The following ZFHX3 variants were observed in gnomAD, a reference collection of about 807,000 sequenced individuals.
ZFHX3 encodes zinc finger homeobox protein 3.
ZFHX3 carries 42 observed loss-of-function variants against 279.1 expected under a neutral mutation model. The observed-to-expected ratio is 0.15, with a 90% confidence interval of 0.12 to 0.19. ZFHX3 has a LOEUF of 0.19. ZFHX3 is among the 10% of genes least tolerant of loss of function. The pLI is 1.00. For synonymous variants in ZFHX3, 2,293 were observed against 1,957.8 expected (o/e 1.17, Z -4.52); for missense variants, 4,981 against 4,754.0 (o/e 1.05, Z -1.40).
intron 2 of ZFHX3, among the ~76,000 whole-genome samples, chr16:73,460,954 G>C (rs191765555): frequency 1.1e-3 from 173 of 152,300 alleles, no homozygotes; most frequent in African/African-American, 3.8e-3. Context: ...TTCCTGTACA[G>C]GCTGCAGAAC....
At chr16:72,930,820 A>G (rs1337313161) in intron 3 of ZFHX3, among the ~76,000 whole-genome samples, 1 of 152,264 alleles carries the variant, frequency 6.6e-6, no homozygotes, top group East Asian at 1.9e-4. Context: ...TAAGAAATGC[A>G]AAAGACTTGT....
chr16:72,817,932 G>A (rs551223396), intron 5 of ZFHX3, among the ~76,000 whole-genome samples: 7 of 152,260 alleles, frequency 4.6e-5, no homozygotes, highest in African/African-American at 1.7e-4. Flanking sequence ...TCCCAAACCA[G>A]CAACATAATG....
intron 2 of ZFHX3, among the ~76,000 whole-genome samples, chr16:73,498,032 T>C (rs1404645104): frequency 6.6e-6 from 1 of 152,236 alleles, no homozygotes. Context: ...TGTAAAATAA[T>C]ACATCTGTGC....
intron 3 of ZFHX3, among the ~76,000 whole-genome samples, chr16:72,945,256 C>T (rs768286072): frequency 6.6e-5 from 10 of 152,222 alleles, no homozygotes; most frequent in East Asian, 1.9e-4. Flanking sequence ...ATGAGCCATA[C>T]GTTCCCACAG....
chr16:72,805,090 G>T (rs372042180), intron 7 of ZFHX3, among the ~76,000 whole-genome samples: 3 of 152,134 alleles, frequency 2.0e-5, no homozygotes, highest in Admixed American at 6.5e-5. Context: ...TGATTCTTCT[G>T]CCTCAGCCTC....
chr16:73,256,775 G>A (rs2013672102), intron 5 of ZFHX3, among the ~76,000 whole-genome samples: 1 of 152,146 alleles, frequency 6.6e-6, no homozygotes, highest in African/African-American at 2.4e-5. Context: ...TACAAAGTTA[G>A]GATGATAAGC....
intron 1 of ZFHX3, among the ~76,000 whole-genome samples, chr16:73,058,048 GGCCGCC>G (rs1254265970): frequency 6.9e-6 from 1 of 145,518 alleles, no homozygotes; most frequent in Non-Finnish European, 1.5e-5. Context: ...CCCCACCGCC[GGCCGCC>G]GCCTTTGTCT....
chr16:73,549,176 GT>G (rs550514789), intron 2 of ZFHX3, among the ~76,000 whole-genome samples: 147 of 151,590 alleles, frequency 9.7e-4, no homozygotes, highest in African/African-American at 3.1e-3. Context: ...TAATAGAAAT[GT>G]TTTTTTTCCT....
intron 5 of ZFHX3, among the ~76,000 whole-genome samples, chr16:73,172,988 GTTTTTTTGTTTT>G (rs1253906633): frequency 1.9e-4 from 9 of 46,166 alleles, no homozygotes; most frequent in East Asian, 8.7e-4. Context: ...TGATGGGACT[GTTTTTTTGTTTT>G]TTTTTTTGTT....
intron 4 of ZFHX3, among the ~76,000 whole-genome samples, chr16:72,882,217 C>T (rs1354385305): frequency 6.9e-6 from 1 of 144,986 alleles, no homozygotes; most frequent in African/African-American, 2.6e-5. Context: ...ACCCTCTCTG[C>T]AGTGAGTGGC....
chr16:73,329,631 G>A (rs1004790324), intron 3 of ZFHX3, among the ~76,000 whole-genome samples: 4 of 152,282 alleles, frequency 2.6e-5, no homozygotes, highest in Admixed American at 2.6e-4. Flanking sequence ...AGCAAGCCAG[G>A]CCACATTAAA....
intron 2 of ZFHX3, among the ~76,000 whole-genome samples, chr16:73,564,780 T>G (rs1164482713): frequency 6.6e-6 from 1 of 152,216 alleles, no homozygotes; most frequent in Non-Finnish European, 1.5e-5. Context: ...CTGCTCAGGT[T>G]ATAAAAATTA....
At chr16:73,294,129 G>C (rs139853281) in intron 4 of ZFHX3, 3 of 151,960 alleles carry the variant, frequency 2.0e-5, no homozygotes, top group Non-Finnish European at 4.4e-5. Context: ...TTGTTGTGTT[G>C]GGATATTTAT....
intron 7 of ZFHX3, among the ~76,000 whole-genome samples, chr16:73,096,465 C>T (rs550857654): frequency 3.3e-5 from 5 of 151,594 alleles, no homozygotes; most frequent in Non-Finnish European, 5.9e-5. Context: ...TGCAGTGATG[C>T]GATCTCAGCT....
rs1417056436 is a variant in ZFHX3 at position 72,797,101 on chromosome 16, C to T, written c.5581G>A (p.Ala1861Thr). 3 of 1,613,848 alleles carry T rather than the reference C, an allele frequency of 1.9e-6. No individual in the cohort carries two copies. In the Admixed American group the frequency reaches 5.0e-5, roughly 27 times the overall value. Reference protein sequence around the residue: ...PQQQQNQLSIAQSHSALLQPS... With the variant: ...PQQQQNQLSITQSHSALLQPS... ...TGAAGGAGGGCAGAGTGACTCTGGG[C>T]TATAGAGAGTTGGTTCTGCTGCTGC... The change falls in exon 9 of 10, where the codon GCC becomes ACC. Residue 1861 changes from alanine (A) to threonine (T), a missense_variant. By Grantham distance (58) the Ala-to-Thr change is moderately conservative (BLOSUM62 0). This residue lies in a region of ZFHX3 where 1,751 missense variants were observed against 1,770.0 expected (regional missense o/e 0.99). Transcript: ENST00000268489.
Position 72,808,929 on chromosome 16 carries a change from G to A in ZFHX3, c.3864+2648C>T, listed in dbSNP as rs146852920. ...TGGCTGTTGTATAGCTTTCATGAGA[G>A]TCTCCATAAAGGTTAAGAATCACTG... On this transcript the variant is annotated intron_variant, in intron 7 of 9. Transcript: ENST00000268489. Among the ~76,000 whole-genome samples, 628 of 152,330 alleles carry A rather than the reference G, an allele frequency of 4.1e-3. 4 individuals carry two copies. The highest frequency in any genetic ancestry group is 6.9e-3 in the Non-Finnish European group (469 of 68,032).
chr16:73,134,031 G>C (rs1458137413), intron 6 of ZFHX3, among the ~76,000 whole-genome samples: 1 of 152,100 alleles, frequency 6.6e-6, no homozygotes, highest in Non-Finnish European at 1.5e-5. Context: ...CTATATCTAT[G>C]TCTACGCCTA....
At chr16:73,742,409 G>A (rs1281936764) in intron 1 of ZFHX3, among the ~76,000 whole-genome samples, 2 of 152,158 alleles carry the variant, frequency 1.3e-5, no homozygotes, top group Non-Finnish European at 1.5e-5. Flanking sequence ...ATTCTCATAA[G>A]TGTTGACCAT....
intron 2 of ZFHX3, among the ~76,000 whole-genome samples, chr16:73,663,923 A>G (rs1323417986): frequency 6.6e-6 from 1 of 152,164 alleles, no homozygotes. Context: ...ACACATTTAC[A>G]ACCTACTCAA....
Sources: gnomAD v4.1 joint callset for allele counts (sites outside exome capture counted in the v4.1 genomes callset) on GRCh38, gnomAD v4.1.1 for gene constraint, gnomAD v4.1.1 regional missense constraint, MANE v1.5 for transcripts, NCBI Gene and HGNC (gene_info 2026-07-23, HGNC 2026-07-21) for gene names.